The following SLC2A13 variants were observed in gnomAD, a reference collection of about 807,000 sequenced individuals.
SLC2A13 encodes the protein proton myo-inositol cotransporter.
SLC2A13 carries 32 observed loss-of-function variants against 64.4 expected under a neutral mutation model. The observed-to-expected ratio is 0.50, with a 90% CI of 0.37 to 0.67. SLC2A13 has a LOEUF of 0.67. SLC2A13 is among the 30% of genes least tolerant of loss of function. The pLI is 0.00. For missense variants in SLC2A13, 743 were observed against 829.2 expected, an observed-to-expected ratio of 0.90 and a Z score of 1.28; for synonymous variants, 338 against 327.1, an observed-to-expected ratio of 1.03 and a Z score of -0.36.
chr12:39,863,821 C>T (rs982937155), intron 6 of SLC2A13, among the ~76,000 whole-genome samples: 7 of 152,152 alleles, frequency 4.6e-5, no homozygotes, highest in Non-Finnish European at 7.4e-5. Context: ...TAATGAACAG[C>T]CACCATAAAT....
chr12:40,054,949 T>C (rs1948312409), intron 1 of SLC2A13, among the ~76,000 whole-genome samples: 1 of 152,224 alleles, frequency 6.6e-6, no homozygotes, highest in African/African-American at 2.4e-5. Context: ...GATGTTCTAA[T>C]TTCATTTTGC....
At chr12:39,868,296 C>T (rs1470950864) in intron 5 of SLC2A13, among the ~76,000 whole-genome samples, 2 of 152,160 alleles carry the variant, frequency 1.3e-5, no homozygotes, top group African/African-American at 4.8e-5. Flanking sequence ...TAAAAATATT[C>T]TCCACAGGAA....
chr12:39,971,608 C>A (rs1399898166), intron 3 of SLC2A13, among the ~76,000 whole-genome samples: 1 of 152,016 alleles, frequency 6.6e-6, no homozygotes, highest in Non-Finnish European at 1.5e-5. Context: ...CTCCCATTAC[C>A]TTCTGACACA....
chr12:39,853,657 C>T (rs1335278997), intron 6 of SLC2A13, among the ~76,000 whole-genome samples: 2 of 146,268 alleles, frequency 1.4e-5, no homozygotes, highest in African/African-American at 5.1e-5. Flanking sequence ...AAGCTTTAGT[C>T]AGACTGCTAC....
intron 7 of SLC2A13, among the ~76,000 whole-genome samples, chr12:39,805,464 A>C (rs1437349157): frequency 2.0e-5 from 3 of 151,660 alleles, no homozygotes; most frequent in African/African-American, 7.3e-5. Context: ...TAAATGACAA[A>C]TCTTTCCAGC....
At chr12:40,077,994 T>A (rs753623160) in intron 1 of SLC2A13, among the ~76,000 whole-genome samples, 28 of 152,198 alleles carry the variant, frequency 1.8e-4, no homozygotes, top group Non-Finnish European at 3.5e-4. Context: ...TACTTGTACA[T>A]TGATTTTGTA....
At chr12:39,977,491 CT>C (rs1304266019) in intron 3 of SLC2A13, among the ~76,000 whole-genome samples, 1 of 152,216 alleles carries the variant, frequency 6.6e-6, no homozygotes, top group Non-Finnish European at 1.5e-5. Flanking sequence ...GAGGCACAGT[CT>C]TTTTCTCATT....
Position 40,068,018 on chromosome 12 carries a change from C to T in SLC2A13, c.557-19808G>A, listed in dbSNP as rs1191057437. Reference sequence around the variant, plus strand: ...TCCTAGACTCAAGACATACTCCTGCCTCAGCCTCCTGAGTAGCTTGGGCAA... The same window carrying T: ...TCCTAGACTCAAGACATACTCCTGCTTCAGCCTCCTGAGTAGCTTGGGCAA... On this transcript the variant is annotated intron_variant, in intron 1 of 9. Transcript: ENST00000280871. Among the ~76,000 whole-genome samples, 4 of 152,158 alleles carry T rather than the reference C, an allele frequency of 2.6e-5. No individual in the cohort carries two copies. The East Asian group carries it at 7.7e-4, about 29-fold the overall frequency.
chr12:39,809,197 G>GT (rs1316516398), intron 7 of SLC2A13, among the ~76,000 whole-genome samples: 4 of 151,932 alleles, frequency 2.6e-5, no homozygotes, highest in East Asian at 1.9e-4. Flanking sequence ...GATTAATTTG[G>GT]TTTTTTTATT....
intron 9 of SLC2A13, among the ~76,000 whole-genome samples, chr12:39,763,382 T>C (rs1940234543): frequency 6.6e-6 from 1 of 152,220 alleles, no homozygotes; most frequent in East Asian, 1.9e-4. Context: ...AATAGATTTT[T>C]ATAATGTTTC....
At chr12:39,942,807 G>A (rs1946058987) in intron 4 of SLC2A13, among the ~76,000 whole-genome samples, 1 of 152,146 alleles carries the variant, frequency 6.6e-6, no homozygotes, top group South Asian at 2.1e-4. Context: ...TTGCTGGTGA[G>A]GAGTTGTGAT....
chr12:39,986,372 G>A lies in SLC2A13; in HGVS notation c.926-35007C>T, dbSNP rs916323189. ...TTACTACACGTTCACCCACCTCGTC[G>A]CCACTGATTTATCTGAGCTCTCAAT... On this transcript the variant is annotated intron_variant, in intron 3 of 9. Transcript: ENST00000280871. 4.6e-5 allele frequency among the ~76,000 whole-genome samples: 7 copies of A among 151,992 alleles called. No homozygotes were observed. In the East Asian group the frequency reaches 7.8e-4, roughly 17 times the overall value.
At chr12:39,809,858 T>C (rs1942093954) in intron 7 of SLC2A13, among the ~76,000 whole-genome samples, 1 of 152,228 alleles carries the variant, frequency 6.6e-6, no homozygotes, top group South Asian at 2.1e-4. Context: ...TATGGCTGCA[T>C]AGTATTCCAT....
chr12:39,834,291 C>T (rs1942944942), intron 6 of SLC2A13, among the ~76,000 whole-genome samples: 3 of 151,996 alleles, frequency 2.0e-5, no homozygotes, highest in Admixed American at 6.6e-5. Context: ...ACTGAAGGGA[C>T]TAGGCATGAA....
chr12:40,047,643 G>A (rs756975059), intron 2 of SLC2A13, among the ~76,000 whole-genome samples: 11 of 151,978 alleles, frequency 7.2e-5, no homozygotes, highest in Non-Finnish European at 1.5e-4. Flanking sequence ...TAAACACTAC[G>A]TTTCTTTCAG....
intron 4 of SLC2A13, among the ~76,000 whole-genome samples, chr12:39,942,810 G>A (rs1055683150): frequency 6.6e-6 from 1 of 152,162 alleles, no homozygotes; most frequent in Non-Finnish European, 1.5e-5. Flanking sequence ...CTGGTGAGGA[G>A]TTGTGATCCT....
chr12:39,801,323 AAATG>A (rs1941782946), intron 7 of SLC2A13, among the ~76,000 whole-genome samples: 1 of 103,680 alleles, frequency 9.6e-6, no homozygotes, highest in Non-Finnish European at 1.9e-5. Flanking sequence ...ATTTTTGAAT[AAATG>A]AATGAGGAAA....
chr12:40,065,825 A>T (rs1293972253), intron 1 of SLC2A13, among the ~76,000 whole-genome samples: 2 of 152,208 alleles, frequency 1.3e-5, no homozygotes, highest in Non-Finnish European at 2.9e-5. Flanking sequence ...GGTTTTACAT[A>T]AGTGTTTTAT....
chr12:39,977,834 G>A (rs984031491), intron 3 of SLC2A13, among the ~76,000 whole-genome samples: 1 of 152,244 alleles, frequency 6.6e-6, no homozygotes, highest in African/African-American at 2.4e-5. Context: ...AATGAGTTGT[G>A]CCAAGTTGTG....
Sources: gnomAD v4.1 joint callset for allele counts (sites outside exome capture counted in the v4.1 genomes callset) on GRCh38, gnomAD v4.1.1 for gene constraint, MANE v1.5 for transcripts, NCBI Gene and HGNC (gene_info 2026-07-23, HGNC 2026-07-21) for gene names.